Variants in PCDHA4 observed in about 807,000 individuals in gnomAD.
The protein encoded by PCDHA4 is protocadherin alpha 4.
PCDHA4 carries 49 observed loss-of-function variants against 61.4 expected under a neutral mutation model. The observed-to-expected ratio is 0.80, with a 90% confidence interval of 0.63 to 1.01. The LOEUF (loss-of-function observed/expected upper bound fraction) is 1.01, where lower values mean the gene tolerates loss of function less well. Among genes scored for constraint, PCDHA4 ranks in the 50% least tolerant of loss-of-function variants. The pLI, the probability that PCDHA4 is intolerant of heterozygous loss-of-function variation, is 0.00. For synonymous variants in PCDHA4, 590 were observed against 550.3 expected, an observed-to-expected ratio of 1.07 and a Z score of -1.01; for missense variants, 1,254 against 1,235.8, an observed-to-expected ratio of 1.01 and a Z score of -0.22.
intron 1 of PCDHA4, among the ~76,000 whole-genome samples, chr5:140,962,255 A>G (rs991096495): frequency 2.0e-5 from 3 of 152,204 alleles, no homozygotes; most frequent in African/African-American, 7.2e-5. Flanking sequence ...TCAATGAAAA[A>G]TAATTTTATA....
chr5:140,946,327 G>C (rs2093929992), intron 1 of PCDHA4, among the ~76,000 whole-genome samples: 2 of 151,720 alleles, frequency 1.3e-5, no homozygotes, highest in Non-Finnish European at 3.0e-5. Flanking sequence ...AAAGAGGAAA[G>C]ATAACAAGTG....
At chr5:140,920,136 C>T (rs1554199437) in intron 1 of PCDHA4, among the ~76,000 whole-genome samples, 1 of 152,182 alleles carries the variant, frequency 6.6e-6, no homozygotes, top group African/African-American at 2.4e-5. Flanking sequence ...TTTAATTCTC[C>T]TCTCCAAACC....
chr5:141,010,923 A>T lies in PCDHA4; in HGVS notation c.*986A>T, dbSNP rs184389417. The T allele has an allele frequency of 4.0e-3, 619 of 153,912 alleles. 3 individuals are homozygous for T. Among genetic ancestry groups the T allele is most frequent in the Admixed American group, 6.2e-3 (95 of 15,302 alleles). The allele number at this position is 153,912 out of a possible 1,614,324, so 9.5% of individuals were successfully genotyped here. A position where few individuals can be genotyped will look rare whatever the true frequency, so the allele number is the denominator to read the frequency against. ...TCCCCTAAACTCTCCTCAAAAGAGA[A>T]TTCAGTCTACAGCCATTTAAATGAT... On this transcript the variant is annotated 3_prime_UTR_variant, in exon 4 of 4. Coordinates refer to ENST00000530339, the MANE Select transcript of PCDHA4 (RefSeq NM_018907.4).
chr5:140,877,969 A>G (rs2057419330), intron 1 of PCDHA4: 1 of 1,276,842 alleles, frequency 7.8e-7, no homozygotes, highest in African/African-American at 1.5e-5. Flanking sequence ...TTTCTTGGTC[A>G]TTCTTACTCA....
chr5:140,830,363 G>T, intron 1 of PCDHA4: 1 of 1,614,138 alleles, frequency 6.2e-7, no homozygotes, highest in Non-Finnish European at 8.5e-7. Flanking sequence ...GCGGCAGAGG[G>T]TGTGCTCCGG....
At chr5:140,848,360 G>A (rs1475773357) in intron 1 of PCDHA4, 1 of 1,069,390 alleles carries the variant, frequency 9.4e-7, no homozygotes, top group Non-Finnish European at 1.4e-6. Context: ...TTTCCCATGG[G>A]AAAGAGGCTC....
At position 140,822,373 on chromosome 5, in the gene PCDHA4, G is replaced by A. The variant is rs2150115829; in HGVS notation, c.2385+12801G>A. 3 of 1,614,112 alleles carry A rather than the reference G, an allele frequency of 1.9e-6. No individual in the cohort carries two copies. Among genetic ancestry groups the A allele is most frequent in the Admixed American group, 3.3e-5 (2 of 60,034 alleles). ...AGAGCTGGTTTTGAGGAAATCCTTA[G>A]ATAGAGAAGAAACACAAGAACACCG... On this transcript the variant is annotated intron_variant, in intron 1 of 3. Transcript: ENST00000530339.
chr5:140,990,232 C>T (rs983376308), intron 3 of PCDHA4, among the ~76,000 whole-genome samples: 4 of 152,054 alleles, frequency 2.6e-5, no homozygotes, highest in Non-Finnish European at 4.4e-5. Flanking sequence ...TTGTAACTAG[C>T]GTTGTATTCC....
At chr5:140,842,387 T>C (rs2150335066) in intron 1 of PCDHA4, 1 of 1,611,016 alleles carries the variant, frequency 6.2e-7, no homozygotes, top group Admixed American at 1.7e-5. Flanking sequence ...GACTTCCTTA[T>C]CCTTGCCTGT....
At chr5:140,873,007 C>A (rs1363151505) in intron 1 of PCDHA4, among the ~76,000 whole-genome samples, 1 of 152,206 alleles carries the variant, frequency 6.6e-6, no homozygotes, top group Admixed American at 6.5e-5. Context: ...AGTCATTCTT[C>A]ATATTTAGTT....
intron 1 of PCDHA4, among the ~76,000 whole-genome samples, chr5:140,951,121 C>A (rs1223231581): frequency 6.9e-6 from 1 of 145,374 alleles, no homozygotes; most frequent in African/African-American, 2.6e-5. Context: ...TCATTCCTTA[C>A]CAATAAGTTT....
intron 3 of PCDHA4, among the ~76,000 whole-genome samples, chr5:141,007,801 G>A (rs559830556): frequency 2.6e-5 from 4 of 152,148 alleles, no homozygotes; most frequent in African/African-American, 7.2e-5. Flanking sequence ...GCCTTTATCT[G>A]CCATTCATTT....
At chr5:140,872,058 C>T (rs2053466493) in intron 1 of PCDHA4, among the ~76,000 whole-genome samples, 1 of 152,212 alleles carries the variant, frequency 6.6e-6, no homozygotes, top group African/African-American at 2.4e-5. Flanking sequence ...CTTCAGCCTC[C>T]AGAGTAGCTG....
intron 1 of PCDHA4, among the ~76,000 whole-genome samples, chr5:140,946,637 G>T: frequency 1.5e-5 from 1 of 64,620 alleles, no homozygotes; most frequent in African/African-American, 1.0e-4. Flanking sequence ...TATATACAAT[G>T]GAATACTCAT....
chr5:140,923,974 C>G (rs2081604148), intron 1 of PCDHA4, among the ~76,000 whole-genome samples: 1 of 152,212 alleles, frequency 6.6e-6, no homozygotes, highest in South Asian at 2.1e-4. Context: ...CCCACACATA[C>G]TATCCCTCTA....
At chr5:140,828,495 T>A (rs2150156058) in intron 1 of PCDHA4, 1 of 1,614,162 alleles carries the variant, frequency 6.2e-7, no homozygotes, top group Admixed American at 1.7e-5. Context: ...TTGTTCCCGG[T>A]AGAGGAACAA....
chr5:140,830,077 G>C, intron 1 of PCDHA4: 5 of 1,613,664 alleles, frequency 3.1e-6, no homozygotes, highest in Non-Finnish European at 4.2e-6. Context: ...TGACAGCGAC[G>C]GCCACGGTTC....
chr5:140,883,297 A>G (rs782572580), intron 1 of PCDHA4: 2 of 1,614,132 alleles, frequency 1.2e-6, no homozygotes, highest in Non-Finnish European at 1.7e-6. Flanking sequence ...TACTAGATGT[A>G]AATGATAACG....
intron 3 of PCDHA4, among the ~76,000 whole-genome samples, chr5:140,988,509 TA>T (rs2097301045): frequency 6.6e-6 from 1 of 152,170 alleles, no homozygotes; most frequent in Non-Finnish European, 1.5e-5. Flanking sequence ...CCATGAAGCT[TA>T]CTTAAGTCTC....
Sources: allele counts gnomAD v4.1 joint callset (sites outside exome capture counted in the v4.1 genomes callset), GRCh38; gene constraint gnomAD v4.1.1; transcripts MANE v1.5; gene names NCBI Gene and HGNC (gene_info 2026-07-23, HGNC 2026-07-21).